ROBO2: variants seen among roughly 807,000 people sequenced by gnomAD.
The protein encoded by ROBO2 is roundabout homolog 2.
ROBO2 carries 53 observed loss-of-function variants against 160.8 expected under a neutral mutation model. The observed-to-expected ratio is 0.33, with a 90% CI of 0.26 to 0.41. The LOEUF is 0.41. Among genes scored for constraint, ROBO2 ranks in the 10% least tolerant of loss-of-function variants. The probability of loss-of-function intolerance (pLI) is 1.00; values close to 1 mark genes in which losing one functional copy is unlikely to be tolerated. For missense variants in ROBO2, 1,577 were observed against 1,722.4 expected, an observed-to-expected ratio of 0.92 and a Z score of 1.49; for synonymous variants, 664 against 611.7, an observed-to-expected ratio of 1.09 and a Z score of -1.26.
intron 2 of ROBO2, among the ~76,000 whole-genome samples, chr3:76,358,995 T>C (rs1474805662): frequency 6.8e-6 from 1 of 146,662 alleles, no homozygotes; most frequent in Non-Finnish European, 1.5e-5. Flanking sequence ...ATTGTTCAAT[T>C]CCCGCCTATG....
intron 2 of ROBO2, among the ~76,000 whole-genome samples, chr3:76,519,116 A>C (rs1043869822): frequency 2.6e-5 from 4 of 152,206 alleles, no homozygotes; most frequent in African/African-American, 9.6e-5. Context: ...ACTGCAAAGC[A>C]AGGAATGAGG....
At chr3:76,852,697 T>A (rs1405137276) in intron 2 of ROBO2, among the ~76,000 whole-genome samples, 2 of 152,148 alleles carry the variant, frequency 1.3e-5, no homozygotes, top group African/African-American at 4.8e-5. Flanking sequence ...ATAATGGCAA[T>A]ATTGTGTTAA....
At chr3:76,330,611 A>G (rs183354311) in intron 2 of ROBO2, among the ~76,000 whole-genome samples, 13 of 152,326 alleles carry the variant, frequency 8.5e-5, no homozygotes, top group Admixed American at 7.8e-4. Context: ...TGGTTAAAAA[A>G]TAAAATAAAA....
intron 2 of ROBO2, among the ~76,000 whole-genome samples, chr3:76,376,108 G>A (rs1453387629): frequency 6.6e-6 from 1 of 152,050 alleles, no homozygotes; most frequent in Non-Finnish European, 1.5e-5. Flanking sequence ...TTTGTTGAAT[G>A]CTTTTCTATC....
In ROBO2 at chr3:76,812,086, G is replaced by A. The variant is rs543438238; in HGVS notation, c.110-285928G>A. ...GGGTTTCACCGTGTTAGCAAGCCAG[G>A]ATGGTCTTGATCTCTGGACCTCATG... On this transcript the variant is annotated intron_variant, in intron 2 of 26. Coordinates refer to the ROBO2 transcript ENST00000487694. 3.3e-5 allele frequency among the ~76,000 whole-genome samples: 5 copies of A among 151,790 alleles called. No homozygotes were observed. In the East Asian group the frequency reaches 9.8e-4, roughly 30 times the overall value.
At chr3:77,079,217 G>A (rs1226763764) in intron 1 of ROBO2, among the ~76,000 whole-genome samples, 2 of 152,114 alleles carry the variant, frequency 1.3e-5, no homozygotes, top group African/African-American at 2.4e-5. Context: ...AAAGTGCTGG[G>A]ATTACACGCG....
At chr3:76,312,569 C>T (rs1016258703) in intron 2 of ROBO2, among the ~76,000 whole-genome samples, 1 of 152,138 alleles carries the variant, frequency 6.6e-6, no homozygotes, top group South Asian at 2.1e-4. Flanking sequence ...ATCTTCAGGC[C>T]TTGTAAATTA....
chr3:77,103,985 C>T (rs2072429322), intron 2 of ROBO2, among the ~76,000 whole-genome samples: 1 of 151,996 alleles, frequency 6.6e-6, no homozygotes, highest in Admixed American at 6.6e-5. Context: ...CTTTACACAT[C>T]ATAAAGACAC....
chr3:76,867,812 T>C (rs576600226), intron 2 of ROBO2, among the ~76,000 whole-genome samples: 1 of 152,304 alleles, frequency 6.6e-6, no homozygotes, highest in East Asian at 1.9e-4. Flanking sequence ...AAGGGAAAAG[T>C]GCTTTCAATA....
chr3:76,879,589 T>C (rs1202404224), intron 2 of ROBO2, among the ~76,000 whole-genome samples: 1 of 152,088 alleles, frequency 6.6e-6, no homozygotes, highest in East Asian at 1.9e-4. Flanking sequence ...CCTCTGTCGT[T>C]ATTTCAAGTC....
chr3:77,519,581 C>G (rs1050039546), intron 5 of ROBO2, among the ~76,000 whole-genome samples: 7 of 151,206 alleles, frequency 4.6e-5, no homozygotes, highest in African/African-American at 1.7e-4. Flanking sequence ...CAATTTTCAC[C>G]TTCCACTTAT....
intron 4 of ROBO2, among the ~76,000 whole-genome samples, chr3:77,483,071 A>C (rs2084896019): frequency 6.6e-6 from 1 of 152,166 alleles, no homozygotes; most frequent in South Asian, 2.1e-4. Flanking sequence ...TATTTTGAAA[A>C]TAGCTATTAT....
chr3:77,093,565 A>G (rs184494685), intron 1 of ROBO2, among the ~76,000 whole-genome samples: 11 of 152,224 alleles, frequency 7.2e-5, no homozygotes, highest in Admixed American at 3.3e-4. Flanking sequence ...CCTTAACAAT[A>G]ATACTCATTT....
intron 2 of ROBO2, among the ~76,000 whole-genome samples, chr3:76,845,181 C>A (rs905287171): frequency 6.6e-6 from 1 of 151,906 alleles, no homozygotes; most frequent in African/African-American, 2.4e-5. Flanking sequence ...TTTTTAAATA[C>A]TTCCCATTTG....
chr3:76,841,737 G>A (rs564267820), intron 2 of ROBO2, among the ~76,000 whole-genome samples: 67 of 152,182 alleles, frequency 4.4e-4, no homozygotes, highest in Admixed American at 5.9e-4. Flanking sequence ...TTTATTAGCC[G>A]CTTCTAAATC....
intron 2 of ROBO2, among the ~76,000 whole-genome samples, chr3:76,505,022 G>A (rs1356794352): frequency 6.6e-6 from 1 of 152,084 alleles, no homozygotes; most frequent in East Asian, 1.9e-4. Context: ...TGTGGTAAAT[G>A]AGCAGTGTGG....
In ROBO2 at chr3:77,338,887, G is replaced by T. The variant is rs367598218; in HGVS notation, c.389-138527G>T. Among the ~76,000 whole-genome samples the T allele has an allele frequency of 1.1e-4, 17 of 152,092 alleles. No individual in the cohort carries two copies. In the East Asian group the frequency reaches 2.3e-3, roughly 21 times the overall value. On this transcript the variant is annotated intron_variant, in intron 2 of 25. Coordinates refer to ENST00000461745, the Ensembl canonical transcript of ROBO2. ...TCATAGTTGAGGCTAGAATAGTAAC[G>T]CCAGTGTATTGATAGAGTTGATTTG...
chr3:76,852,156 T>A (rs917921930), intron 2 of ROBO2, among the ~76,000 whole-genome samples: 1 of 152,166 alleles, frequency 6.6e-6, no homozygotes, highest in African/African-American at 2.4e-5. Flanking sequence ...ATTGGGAAAC[T>A]TTTTTTACAC....
At chr3:76,439,256 TGG>T in intron 2 of ROBO2, among the ~76,000 whole-genome samples, 1 of 151,180 alleles carries the variant, frequency 6.6e-6, no homozygotes, top group East Asian at 2.0e-4. Context: ...TTAGAACTAG[TGG>T]GAAAACAGAA....
Sources: allele counts gnomAD v4.1 joint callset (sites outside exome capture counted in the v4.1 genomes callset), GRCh38; gene constraint gnomAD v4.1.1; transcripts MANE v1.5; gene names NCBI Gene and HGNC (gene_info 2026-07-23, HGNC 2026-07-21).